Variants in PDK2 observed in about 807,000 individuals in gnomAD.
The protein encoded by PDK2 is pyruvate dehydrogenase kinase, isozyme 2.
A neutral mutation model predicts 50.4 loss-of-function variants in PDK2; 34 were observed. The ratio of observed to expected loss-of-function variants is 0.68; its 90% confidence interval spans 0.51 to 0.90. PDK2 has a LOEUF of 0.90. Among genes scored for constraint, PDK2 ranks in the 40% least tolerant of loss-of-function variants. PDK2 has a pLI of 0.00. For synonymous variants in PDK2, 232 were observed against 216.0 expected (o/e 1.07, Z -0.65); for missense variants, 377 against 544.5 (o/e 0.69, Z 3.06).
intron 2 of PDK2, among the ~76,000 whole-genome samples, chr17:50,104,108 A>G (rs1220922756): frequency 6.6e-6 from 1 of 152,156 alleles, no homozygotes; most frequent in East Asian, 1.9e-4. Flanking sequence ...CCAAAGGAAC[A>G]AGCCACAGAC....
At chr17:50,099,649 CG>C (rs1328673359) in intron 2 of PDK2, among the ~76,000 whole-genome samples, 6 of 152,158 alleles carry the variant, frequency 3.9e-5, no homozygotes, top group Non-Finnish European at 8.8e-5. Context: ...AAAAATTAGC[CG>C]GGCGCGGTGG....
chr17:50,107,198 C>T (rs374200221), intron 6 of PDK2, 45 bp downstream of exon 6: 150 of 1,509,726 alleles, frequency 9.9e-5, no homozygotes, highest in Middle Eastern at 8.5e-4. Flanking sequence ...GGGCTGGGGA[C>T]GTGGCAGGGC....
chr17:50,107,149 C>G lies in PDK2; in HGVS notation c.681C>G (p.Ile227Met). ...MASPDLEIQE[I>M]NAANSKQPIH... Reference sequence around the variant, plus strand: ...CACCTGACCTGGAGATCCAGGAGATCAATGGTGAGTGAGCGGGGCTGTGTA... The same window carrying G: ...CACCTGACCTGGAGATCCAGGAGATGAATGGTGAGTGAGCGGGGCTGTGTA... Residue 227 changes from isoleucine (I) to methionine (M), a missense_variant, in exon 6 of 11, where the codon ATC becomes ATG. Physicochemically the swap from Ile to Met is conservative, Grantham distance 10. This residue lies in a region of PDK2 where 214 missense variants were observed against 294.0 expected (regional missense o/e 0.73). Transcript: ENST00000503176. 1 of 1,613,476 alleles carries G rather than the reference C, an allele frequency of 6.2e-7. No individual in the cohort carries two copies. The highest frequency in any genetic ancestry group is 1.3e-5 in the African/African-American group (1 of 75,014).
chr17:50,108,485 G>A lies in PDK2; in HGVS notation c.861+68G>A. On this transcript the variant is annotated intron_variant, in intron 8 of 10. Coordinates refer to ENST00000503176, the MANE Select transcript of PDK2 (RefSeq NM_002611.5). ...GGGCTTCCCTCCTGCCAGGAGACGG[G>A]CTTTCCTTTTCTCCTACATGGTGGG... is the stretch of plus-strand genomic sequence containing the variant. 2.8e-6 allele frequency: 4 copies of A among 1,443,314 alleles called. No individual in the cohort carries two copies. The South Asian group carries it at 4.7e-5, about 17-fold the overall frequency. 89.4% of individuals were successfully genotyped at this position (1,443,314 alleles called of 1,614,324 possible). A position where few individuals can be genotyped will look rare whatever the true frequency, so the allele number is the denominator to read the frequency against.
rs769121012 is a variant in PDK2 at position 50,109,371 on chromosome 17, T to C, written c.1054T>C (p.Phe352Leu). 1 of 1,612,968 alleles carries C rather than the reference T, an allele frequency of 6.2e-7. No individual in the cohort carries two copies. Among genetic ancestry groups the C allele is most frequent in the East Asian group, 2.2e-5 (1 of 44,844 alleles). ...CCTGCAGCTCTTCTCCATGGAAGGC[T>C]TTGGGACCGATGCTGTCATCTATCT... ...GDLQLFSMEGFGTDAVIYLKA... is the reference protein window; with the variant it reads ...GDLQLFSMEGLGTDAVIYLKA... The change falls in exon 10 of 11, where the codon TTT becomes CTT. Residue 352 changes from phenylalanine to leucine, a missense_variant. This residue lies in a region of PDK2 where 214 missense variants were observed against 294.0 expected (regional missense o/e 0.73). Transcript: ENST00000503176. This position sits in a 1 kb window ranked among gnomAD's most constrained non-coding sequence, Gnocchi z 5.0.
chr17:50,098,797 T>C (rs962461766), intron 2 of PDK2: 1 of 152,216 alleles, frequency 6.6e-6, no homozygotes, highest in African/African-American at 2.4e-5. Context: ...CATGAATGTT[T>C]GTTGAATGAC....
upstream of PDK2, chr17:50,095,339 G>T (rs1567710073): frequency 6.1e-6 from 5 of 825,348 alleles, no homozygotes; most frequent in South Asian, 1.7e-5. Flanking sequence ...GCCAGGGCAA[G>T]GGTAGGGAGG....
At chr17:50,106,419 G>T (rs1910521393) in intron 4 of PDK2, 3 of 433,788 alleles carry the variant, frequency 6.9e-6, no homozygotes, top group East Asian at 4.5e-5. Context: ...TATGATTTTT[G>T]AGAAGTTGTA....
rs1386856754 is a variant in PDK2 at position 50,110,821 on chromosome 17, T to C, written c.*724T>C. The C allele has an allele frequency of 6.6e-6, 1 of 151,886 alleles. No homozygotes were observed. Among genetic ancestry groups the C allele is most frequent in the Non-Finnish European group, 1.5e-5 (1 of 68,060 alleles). 9.4% of individuals were successfully genotyped at this position (151,886 alleles called of 1,614,324 possible). The stretch of plus-strand genomic sequence containing the variant: ...TCCTCACATGCTCATGCCCACCCGC[T>C]CCTCCACAAGCCTAGTCCATCCTGC... On this transcript the variant is annotated 3_prime_UTR_variant, in exon 11 of 11. Coordinates refer to ENST00000503176, the MANE Select transcript of PDK2 (RefSeq NM_002611.5).
At chr17:50,105,770 C>G in intron 3 of PDK2, 115 bp from the exon 4 acceptor site, 1 of 1,386,866 alleles carries the variant, frequency 7.2e-7, no homozygotes, top group Non-Finnish European at 9.7e-7. Flanking sequence ...AGGGAGGGCA[C>G]TGGGAGTCCA....
chr17:50,099,267 C>T (rs1466166424), intron 2 of PDK2, among the ~76,000 whole-genome samples: 1 of 152,144 alleles, frequency 6.6e-6, no homozygotes, highest in Non-Finnish European at 1.5e-5. Context: ...CAGGACTTCT[C>T]AGGCCCCTCC....
chr17:50,106,075 T>G lies in PDK2; in HGVS notation c.517+6T>G. The G allele has an allele frequency of 6.3e-7, 1 of 1,595,516 alleles. No individual in the cohort carries two copies. Among genetic ancestry groups the G allele is most frequent in the South Asian group, 1.1e-5 (1 of 88,388 alleles). On this transcript the variant is annotated splice_donor_region_variant and intron_variant, in intron 4 of 10. Coordinates refer to ENST00000503176, the MANE Select transcript of PDK2 (RefSeq NM_002611.5). Reference sequence around the variant, plus strand: ...CATGCTCATCAACCAGCACAGTGGGTGCCGGCCACAGCGGCGGGGAGCGGG... The same window carrying G: ...CATGCTCATCAACCAGCACAGTGGGGGCCGGCCACAGCGGCGGGGAGCGGG...
intron 6 of PDK2, 115 bp downstream of exon 6, chr17:50,107,268 T>G (rs1472541958): frequency 6.8e-6 from 5 of 740,608 alleles, no homozygotes; most frequent in Non-Finnish European, 1.2e-5. Context: ...AGCAGAGTTA[T>G]TATATTATTA....
rs1290958776 is a variant in PDK2, at chr17:50,097,474, T to C, written c.170T>C (p.Leu57Pro). The C allele has an allele frequency of 6.2e-7, 1 of 1,614,060 alleles. No homozygotes were observed. The highest frequency in any genetic ancestry group is 1.1e-5 in the South Asian group (1 of 91,086). The change falls in exon 2 of 11, where the codon CTG (leucine) becomes CCG (proline). Residue 57 changes from leucine (L) to proline (P), a missense_variant. Leu to Pro is a moderately conservative substitution (Grantham distance 98). Transcript: ENST00000503176. ...KTSFTFLRQE[L>P]PVRLANIMKE... The stretch of plus-strand genomic sequence containing the variant: ...TCCTTCACCTTCCTCAGGCAGGAGC[T>C]GCCTGTGCGCCTGGCCAACATCATG...
At chr17:50,095,205 G>C (rs1420954740), upstream of PDK2, 15 of 484,306 alleles carry the variant, frequency 3.1e-5, no homozygotes, top group Non-Finnish European at 4.8e-5. Flanking sequence ...GGTTAAGGGG[G>C]CGGGCCCGGG....
intron 3 of PDK2, 39 bp from the exon 4 acceptor site, chr17:50,105,846 C>A: frequency 6.2e-7 from 1 of 1,602,444 alleles, no homozygotes; most frequent in Non-Finnish European, 8.5e-7. Flanking sequence ...GGAGAAGAGT[C>A]TGGGGGTGTC....
chr17:50,108,576 C>G, intron 8 of PDK2, 36 bp from the exon 9 acceptor site: 1 of 1,532,334 alleles, frequency 6.5e-7, no homozygotes, highest in Non-Finnish European at 9.0e-7. Flanking sequence ...GGAAAATGAG[C>G]TGTAAAGAAT....
upstream of PDK2, chr17:50,095,223 A>G (rs1424509251): frequency 9.9e-6 from 5 of 504,816 alleles, no homozygotes; most frequent in Non-Finnish European, 1.8e-5. Flanking sequence ...GGGGGAAGCC[A>G]CGTGCCGGGG....
upstream of PDK2, chr17:50,094,796 A>G (rs1393418165): frequency 2.6e-5 from 4 of 152,224 alleles, no homozygotes; most frequent in African/African-American, 9.7e-5. Context: ...TACAGGACGG[A>G]TTCGTATAGG....
Sources: allele counts gnomAD v4.1 joint callset (sites outside exome capture counted in the v4.1 genomes callset), GRCh38; gene constraint gnomAD v4.1.1; regional missense constraint gnomAD v4.1.1; non-coding constraint Gnocchi (gnomAD v3.1); transcripts MANE v1.5; gene names NCBI Gene and HGNC (gene_info 2026-07-23, HGNC 2026-07-21).